The following NFIB variants were observed in gnomAD, a reference collection of about 807,000 sequenced individuals.
NFIB encodes nuclear factor 1 B-type.
A neutral mutation model predicts 61.5 loss-of-function variants in NFIB; 11 were observed. The ratio of observed to expected loss-of-function variants is 0.18; its 90% CI spans 0.11 to 0.30. The LOEUF (loss-of-function observed/expected upper bound fraction) is 0.30. Among genes scored for constraint, NFIB ranks in the 10% least tolerant of loss-of-function variants. The pLI, the probability that NFIB is intolerant of heterozygous loss-of-function variation, is 1.00. For missense variants in NFIB, 471 were observed against 608.9 expected (o/e 0.77, Z 2.38); for synonymous variants, 260 against 216.5 (o/e 1.20, Z -1.76).
At chr9:14,355,358 C>G (rs2061163768) in intron 1 of NFIB, among the ~76,000 whole-genome samples, 1 of 152,132 alleles carries the variant, frequency 6.6e-6, no homozygotes, top group Non-Finnish European at 1.5e-5. Flanking sequence ...GAAACCAACC[C>G]TGCTGACAAC....
At chr9:14,150,364 T>C (rs1003348040) in intron 4 of NFIB, 99 bp from the exon 5 acceptor site, 14 of 1,563,084 alleles carry the variant, frequency 9.0e-6, no homozygotes, top group African/African-American at 1.4e-5. Flanking sequence ...TGGTCAAAGA[T>C]AGAGAGAACT....
chr9:14,234,181 T>C (rs775056344), intron 2 of NFIB, among the ~76,000 whole-genome samples: 8 of 152,144 alleles, frequency 5.3e-5, no homozygotes, highest in African/African-American at 1.9e-4. Flanking sequence ...ACTCTCTAGA[T>C]TGGATGGCAG....
rs1285944277 is a variant in NFIB, at chr9:14,116,307, G to A, written c.1285C>T (p.His429Tyr). The change falls in exon 9 of 11, where the codon CAT becomes TAT. Residue 429 changes from histidine to tyrosine, a missense_variant. By Grantham distance (83) the His-to-Tyr change is moderately conservative. Transcript: ENST00000380953. ...SGQVVGKVPG[H>Y]FTPVLAPSPH... ...GAGGGTGCCAAGACAGGAGTGAAAT[G>A]GCCAGGCACTTTCCCTACTACTTGA... 4 of 1,536,634 alleles carry A rather than the reference G, an allele frequency of 2.6e-6. No homozygotes were observed. The African/African-American group carries it at 5.5e-5, about 21-fold the overall frequency.
chr9:14,393,960 CATGAGAGGGAATGCTAA>C lies in NFIB; in HGVS notation c.108+4547_108+4563del, dbSNP rs1306893555. On this transcript the variant is annotated intron_variant, in intron 1 of 8. Coordinates refer to the NFIB transcript ENST00000380934. ...CCAACATGTTCCATTCCTTCAAGGTCATGAGAGGGAATGCTAAATCAGACAAATAGGTAAAATAAGAC... is the reference window on the plus strand; with the variant it reads ...CCAACATGTTCCATTCCTTCAAGGTCATCAGACAAATAGGTAAAATAAGAC... 3.9e-5 allele frequency among the ~76,000 whole-genome samples: 6 copies of C among 152,306 alleles called. No homozygotes were observed. In the East Asian group the frequency reaches 9.6e-4, roughly 24 times the overall value.
the NFIB span, among the ~76,000 whole-genome samples, chr9:14,458,617 C>T: frequency 6.6e-6 from 1 of 152,108 alleles, no homozygotes; most frequent in Non-Finnish European, 1.5e-5. Flanking sequence ...TCTAGAAGAC[C>T]CCATCGTCTC....
the NFIB span, among the ~76,000 whole-genome samples, chr9:14,418,569 C>G: frequency 6.6e-6 from 1 of 152,190 alleles, no homozygotes; most frequent in Non-Finnish European, 1.5e-5. Flanking sequence ...AGTGCACCAT[C>G]CTACCAGCTG....
the NFIB span, among the ~76,000 whole-genome samples, chr9:14,404,204 T>C: frequency 6.6e-6 from 1 of 152,166 alleles, no homozygotes; most frequent in Non-Finnish European, 1.5e-5. Flanking sequence ...TATTCCTGTA[T>C]TTAGGTTTAA....
chr9:14,219,545 A>G (rs531308471), intron 2 of NFIB, among the ~76,000 whole-genome samples: 1 of 152,280 alleles, frequency 6.6e-6, no homozygotes, highest in African/African-American at 2.4e-5. Context: ...ATTTGTTGCA[A>G]AAGAACAGAT....
chr9:14,424,739 A>G, the NFIB span, among the ~76,000 whole-genome samples: 1 of 152,144 alleles, frequency 6.6e-6, no homozygotes, highest in South Asian at 2.1e-4. Flanking sequence ...TTTGAGTGAG[A>G]CAACAGGCAG....
At chr9:14,466,211 G>A in the NFIB span, among the ~76,000 whole-genome samples, 1 of 152,140 alleles carries the variant, frequency 6.6e-6, no homozygotes, top group Non-Finnish European at 1.5e-5. Context: ...GCTGAGGCAA[G>A]GCCGTTATCT....
chr9:14,312,677 C>G (rs2060336982), intron 1 of NFIB, among the ~76,000 whole-genome samples: 2 of 152,238 alleles, frequency 1.3e-5, no homozygotes, highest in South Asian at 4.1e-4. Context: ...TAACATTATT[C>G]CTAAGGTCTT....
At chr9:14,425,198 G>A in the NFIB span, among the ~76,000 whole-genome samples, 6 of 152,256 alleles carry the variant, frequency 3.9e-5, no homozygotes, top group Admixed American at 2.6e-4. Flanking sequence ...AATTGTCAGC[G>A]AGCCTTGCTT....
At chr9:14,464,022 A>G in the NFIB span, among the ~76,000 whole-genome samples, 1 of 152,122 alleles carries the variant, frequency 6.6e-6, no homozygotes, top group African/African-American at 2.4e-5. Flanking sequence ...AACATGTAGC[A>G]TTTTTACAGT....
At chr9:14,422,894 T>A in the NFIB span, among the ~76,000 whole-genome samples, 1 of 152,212 alleles carries the variant, frequency 6.6e-6, no homozygotes, top group African/African-American at 2.4e-5. Context: ...AAGATGCACA[T>A]GGAGGCCCCC....
At chr9:14,444,623 C>T in the NFIB span, among the ~76,000 whole-genome samples, 8 of 152,098 alleles carry the variant, frequency 5.3e-5, no homozygotes, top group South Asian at 6.2e-4. Flanking sequence ...GAAAAGAAAA[C>T]GCAAGTCTTA....
intron 2 of NFIB, among the ~76,000 whole-genome samples, chr9:14,255,669 T>G (rs1462896146): frequency 6.6e-6 from 1 of 152,182 alleles, no homozygotes; most frequent in Non-Finnish European, 1.5e-5. Context: ...TAATAAAAGT[T>G]ATTATTCACT....
At chr9:14,146,189 C>A (rs1337369972) in intron 6 of NFIB, among the ~76,000 whole-genome samples, 1 of 152,126 alleles carries the variant, frequency 6.6e-6, no homozygotes, top group Non-Finnish European at 1.5e-5. Flanking sequence ...GAAAGCATAG[C>A]TAGATTGACT....
intron 2 of NFIB, among the ~76,000 whole-genome samples, chr9:14,261,472 C>T (rs928434358): frequency 3.3e-5 from 5 of 152,110 alleles, no homozygotes; most frequent in African/African-American, 1.2e-4. Context: ...ATTGTAGGGG[C>T]CAAGGGAAAA....
intron 2 of NFIB, among the ~76,000 whole-genome samples, chr9:14,288,490 C>T (rs953463371): frequency 6.6e-6 from 1 of 152,030 alleles, no homozygotes; most frequent in African/African-American, 2.4e-5. Context: ...CAGTATATAT[C>T]AATGCCAAAT....
Sources: allele counts gnomAD v4.1 joint callset (sites outside exome capture counted in the v4.1 genomes callset), GRCh38; gene constraint gnomAD v4.1.1; transcripts MANE v1.5; gene names NCBI Gene and HGNC (gene_info 2026-07-23, HGNC 2026-07-21).